The following AFF1 variants were observed in gnomAD, a reference collection of about 807,000 sequenced individuals.
AFF1 encodes the protein ALF transcription elongation factor 1.
Under a neutral mutation model 121.7 loss-of-function variants are expected in AFF1, and 48 were observed. The ratio of observed to expected loss-of-function variants is 0.39; its 90% CI spans 0.31 to 0.50. The LOEUF (loss-of-function observed/expected upper bound fraction) is 0.50. Among genes scored for constraint, AFF1 ranks in the 20% least tolerant of loss-of-function variants. AFF1 has a pLI of 0.76. For synonymous variants in AFF1, 613 were observed against 563.0 expected (o/e 1.09, Z -1.26); for missense variants, 1,523 against 1,511.7 (o/e 1.01, Z -0.12).
rs1729576125 is a variant in AFF1, at chr4:87,139,763, G to C, written c.*4062G>C. 4.4e-6 allele frequency: 1 copy of C among 225,778 alleles called. No homozygotes were observed. The highest frequency in any genetic ancestry group is 8.8e-6 in the Non-Finnish European group (1 of 113,934). 14.0% of individuals were successfully genotyped at this position (225,778 alleles called of 1,614,324 possible). On this transcript the variant is annotated 3_prime_UTR_variant, in exon 21 of 21. Transcript: ENST00000395146. ...AACGGCAGAATAGCATCGTGTTGGG[G>C]GTTTTCCTTCAAACACTGCAAGTGA...
At chr4:87,047,623 TC>T (rs1290953045) in intron 4 of AFF1, 29 bp downstream of exon 4, 1 of 1,613,456 alleles carries the variant, frequency 6.2e-7, no homozygotes, top group Non-Finnish European at 8.5e-7. Flanking sequence ...CTTGGGGAAT[TC>T]CAATTCGAAG....
rs745436319 is a variant in AFF1, at chr4:87,136,464, G to A, written c.*763G>A. The A allele has an allele frequency of 3.4e-5, 8 of 232,436 alleles. No homozygotes were observed. Among genetic ancestry groups the A allele is most frequent in the Non-Finnish European group, 3.4e-5 (4 of 117,672 alleles). The allele number at this position is 232,436 out of a possible 1,614,324, so 14.4% of individuals were successfully genotyped here. ...GCCACAGCACATGGGGTGCCACCTC[G>A]AGGTCTGCACAGGAGGACTTGGCGC... is the stretch of plus-strand genomic sequence containing the variant. On this transcript the variant is annotated 3_prime_UTR_variant, in exon 21 of 21. Coordinates refer to ENST00000395146, the MANE Select transcript of AFF1 (RefSeq NM_001166693.3).
At chr4:87,092,318 G>A (rs1193150435) in intron 7 of AFF1, among the ~76,000 whole-genome samples, 1 of 152,132 alleles carries the variant, frequency 6.6e-6, no homozygotes, top group Non-Finnish European at 1.5e-5. Flanking sequence ...GTTGCAAAGA[G>A]TTAATAAAGA....
chr4:87,094,096 C>T lies in AFF1; in HGVS notation c.1229-819C>T, dbSNP rs554366991. On this transcript the variant is annotated intron_variant, in intron 7 of 20. Coordinates refer to ENST00000395146, the MANE Select transcript of AFF1 (RefSeq NM_001166693.3). ...GTTTCAGTGCTGTCCAGCACAGATT[C>T]TGCACCTCAGCCCTGCCCTTTCCAA... Among the ~76,000 whole-genome samples, 28 of 152,188 alleles carry T rather than the reference C, an allele frequency of 1.8e-4. No individual in the cohort carries two copies. The South Asian group carries it at 5.8e-3, about 32-fold the overall frequency.
intron 4 of AFF1, among the ~76,000 whole-genome samples, chr4:87,069,984 CT>C (rs1721848253): frequency 6.6e-6 from 1 of 151,810 alleles, no homozygotes; most frequent in Non-Finnish European, 1.5e-5. Context: ...CAACGCCTGA[CT>C]AATTTTTTGT....
At position 87,114,737 on chromosome 4, in the gene AFF1, G is replaced by A. The variant is rs1416625142; in HGVS notation, c.1904G>A (p.Gly635Glu). The A allele has an allele frequency of 6.2e-7, 1 of 1,613,782 alleles. No homozygotes were observed. Among genetic ancestry groups the A allele is most frequent in the African/African-American group, 1.3e-5 (1 of 74,874 alleles). Reference sequence around the variant, plus strand: ...AGCCTGCAGGGGGAAAGGGAGCCAGGGCTTCTTCCCTATGGCTCCCGAGAC... The same window carrying A: ...AGCCTGCAGGGGGAAAGGGAGCCAGAGCTTCTTCCCTATGGCTCCCGAGAC... Reference protein sequence around the residue: ...RTSLQGEREPGLLPYGSRDQT... With the variant: ...RTSLQGEREPELLPYGSRDQT... The change falls in exon 12 of 21, where the codon GGG (glycine) becomes GAG (glutamate). Residue 635 changes from glycine (G) to glutamate (E), a missense_variant. This residue lies in a region of AFF1 where 905 missense variants were observed against 842.5 expected (regional missense o/e 1.07). Coordinates refer to ENST00000395146, the MANE Select transcript of AFF1 (RefSeq NM_001166693.3).
intron 2 of AFF1, among the ~76,000 whole-genome samples, chr4:86,952,403 G>T (rs183729643): frequency 6.6e-6 from 1 of 152,212 alleles, no homozygotes; most frequent in Non-Finnish European, 1.5e-5. Context: ...TTTTCAAAAA[G>T]GTTTAGTTAC....
intron 1 of AFF1, among the ~76,000 whole-genome samples, chr4:86,940,861 G>A (rs952007971): frequency 3.0e-4 from 46 of 151,862 alleles, no homozygotes; most frequent in African/African-American, 1.1e-3. Context: ...GCTAAGGTGG[G>A]TGGATCACTT....
intron 2 of AFF1, among the ~76,000 whole-genome samples, chr4:87,040,979 G>A (rs1730086459): frequency 7.3e-6 from 1 of 136,930 alleles, no homozygotes; most frequent in Admixed American, 7.6e-5. Flanking sequence ...GGGTTCAAGT[G>A]ATTCTCCTGC....
intron 2 of AFF1, among the ~76,000 whole-genome samples, chr4:86,984,477 A>G (rs760444709): frequency 6.6e-6 from 1 of 151,936 alleles, no homozygotes; most frequent in Non-Finnish European, 1.5e-5. Flanking sequence ...GCACGTCACC[A>G]TGTGCAGCTA....
At position 86,964,526 on chromosome 4, in the gene AFF1, C is replaced by T. The variant is rs181676919; in HGVS notation, c.38+15955C>T. ...CCTCTGCTCACCACAACCTCCACCT[C>T]CTGGGTTCAAGCAATTCTCCTGCCT... is the stretch of plus-strand genomic sequence containing the variant. On this transcript the variant is annotated intron_variant, in intron 2 of 20. Transcript: ENST00000395146. Among the ~76,000 whole-genome samples the T allele has an allele frequency of 2.2e-4, 34 of 151,846 alleles. No homozygotes were observed. The East Asian group carries it at 4.5e-3, about 20-fold the overall frequency.
In AFF1 at chr4:87,021,190, A is replaced by G. The variant is rs185982995; in HGVS notation, c.39-24976A>G. 2.3e-3 allele frequency among the ~76,000 whole-genome samples: 357 copies of G among 152,322 alleles called. 1 individual carries two copies. Among genetic ancestry groups the G allele is most frequent in the Non-Finnish European group, 3.6e-3 (245 of 68,032 alleles). The stretch of plus-strand genomic sequence containing the variant: ...TCTGTCAAACAACTTGGGGCCTTGT[A>G]ATAGGATGACTTCCTAACAAATTTG... On this transcript the variant is annotated intron_variant, in intron 2 of 20. Transcript: ENST00000395146.
At chr4:87,063,785 CT>C (rs1721058887) in intron 4 of AFF1, among the ~76,000 whole-genome samples, 1 of 152,124 alleles carries the variant, frequency 6.6e-6, no homozygotes, top group Non-Finnish European at 1.5e-5. Context: ...GATATACCAC[CT>C]TTCCTTGACA....
At chr4:87,073,388 T>C (rs1005863050) in intron 4 of AFF1, among the ~76,000 whole-genome samples, 2 of 151,940 alleles carry the variant, frequency 1.3e-5, no homozygotes, top group African/African-American at 4.8e-5. Flanking sequence ...CTTCTCTCTT[T>C]TGCGTTTGTT....
intron 4 of AFF1, among the ~76,000 whole-genome samples, chr4:87,048,801 A>C (rs995694411): frequency 1.3e-5 from 2 of 152,176 alleles, no homozygotes; most frequent in African/African-American, 2.4e-5. Context: ...GACCAAGGAA[A>C]AATAAGAAAG....
chr4:86,963,827 C>T (rs531507018), intron 2 of AFF1, among the ~76,000 whole-genome samples: 114 of 151,358 alleles, frequency 7.5e-4, no homozygotes, highest in African/African-American at 2.7e-3. Flanking sequence ...CAGTGTCTCA[C>T]TCTGTTGTCC....
At chr4:86,985,558 C>G (rs1447133565) in intron 2 of AFF1, among the ~76,000 whole-genome samples, 25 of 149,870 alleles carry the variant, frequency 1.7e-4, no homozygotes, top group Non-Finnish European at 3.0e-5. Context: ...TGCCTGTAAT[C>G]TCAGCTCCTC....
intron 2 of AFF1, among the ~76,000 whole-genome samples, chr4:87,039,096 A>T (rs1043701470): frequency 4.6e-5 from 7 of 152,188 alleles, no homozygotes; most frequent in African/African-American, 1.7e-4. Context: ...TTACAGCCAG[A>T]TGATACCAGA....
At chr4:87,050,062 GATT>G (rs1218797781) in intron 4 of AFF1, among the ~76,000 whole-genome samples, 2 of 152,132 alleles carry the variant, frequency 1.3e-5, no homozygotes, top group African/African-American at 4.8e-5. Context: ...TGAATCCAAG[GATT>G]ATTATTCTGG....
Sources: gnomAD v4.1 joint callset for allele counts (sites outside exome capture counted in the v4.1 genomes callset) on GRCh38, gnomAD v4.1.1 for gene constraint, gnomAD v4.1.1 regional missense constraint, MANE v1.5 for transcripts, NCBI Gene and HGNC (gene_info 2026-07-23, HGNC 2026-07-21) for gene names.